Variants in ADAMTS19 observed in about 807,000 individuals in gnomAD.
ADAMTS19 encodes A disintegrin and metalloproteinase with thrombospondin motifs 19.
Under a neutral mutation model 153.3 loss-of-function variants are expected in ADAMTS19, and 93 were observed. The ratio of observed to expected loss-of-function variants is 0.61; its 90% CI spans 0.51 to 0.72. The LOEUF is 0.72. Among genes scored for constraint, ADAMTS19 ranks in the 30% least tolerant of loss-of-function variants. The pLI, the probability that ADAMTS19 is intolerant of heterozygous loss-of-function variation, is 0.00. For synonymous variants in ADAMTS19, 600 were observed against 556.6 expected, an observed-to-expected ratio of 1.08 and a Z score of -1.10; for missense variants, 1,482 against 1,552.1, an observed-to-expected ratio of 0.95 and a Z score of 0.76.
intron 6 of ADAMTS19, among the ~76,000 whole-genome samples, chr5:129,541,576 TAG>T (rs1379153590): frequency 6.6e-6 from 1 of 152,064 alleles, no homozygotes; most frequent in Admixed American, 6.6e-5. Flanking sequence ...AATTGAATAA[TAG>T]AATTATTCAT....
At position 129,526,377 on chromosome 5, in the gene ADAMTS19, T is replaced by C; in HGVS notation, c.1007T>C (p.Val336Ala). 6.2e-7 allele frequency: 1 copy of C among 1,605,326 alleles called. No individual in the cohort carries two copies. Among genetic ancestry groups the C allele is most frequent in the Non-Finnish European group, 8.5e-7 (1 of 1,176,242 alleles). ...KLPQEYNIET[V>A]VVADPAMVSY... is the part of the protein sequence containing the mutation. ...CCTCAAGAATACAACATAGAGACTGTAGTGGTTGCAGACCCAGCAATGGTT... is the reference window on the plus strand; with the variant it reads ...CCTCAAGAATACAACATAGAGACTGCAGTGGTTGCAGACCCAGCAATGGTT... Residue 336 changes from valine (V) to alanine (A), a missense_variant, in exon 4 of 23, where the codon GTA becomes GCA. Val to Ala is a moderately conservative substitution (Grantham distance 64). Transcript: ENST00000274487.
chr5:129,536,110 T>C (rs1752411486), intron 6 of ADAMTS19, among the ~76,000 whole-genome samples: 1 of 152,072 alleles, frequency 6.6e-6, no homozygotes, highest in Non-Finnish European at 1.5e-5. Context: ...GAAACTACCA[T>C]TGGAATGAAC....
chr5:129,560,576 G>A (rs1158719475), intron 7 of ADAMTS19, among the ~76,000 whole-genome samples: 1 of 152,186 alleles, frequency 6.6e-6, no homozygotes, highest in East Asian at 1.9e-4. Context: ...TCCCTTAAGA[G>A]TGAACTCAGC....
chr5:129,608,906 A>G (rs2126948439), intron 8 of ADAMTS19, among the ~76,000 whole-genome samples: 1 of 152,240 alleles, frequency 6.6e-6, no homozygotes, highest in East Asian at 1.9e-4. Context: ...CATATAAAGT[A>G]TATCATCTCC....
chr5:129,658,662 C>A lies in ADAMTS19; in HGVS notation c.2350C>A (p.His784Asn), dbSNP rs766561554. ...ATTAGGGTCTCTTGCAAGAGAAGAT[C>A]ATTGTGGTGTATGCAATGGCAATGG... ...GLLGSLARED[H>N]CGVCNGNGKS... Residue 784 changes from histidine (H) to asparagine (N), a missense_variant, in exon 15 of 23, where the codon CAT (histidine) becomes AAT (asparagine). His to Asn is a moderately conservative substitution (Grantham distance 68). This residue lies in a region of ADAMTS19 where 616 missense variants were observed against 724.4 expected (regional missense o/e 0.85). Coordinates refer to ENST00000274487, the MANE Select transcript of ADAMTS19 (RefSeq NM_133638.6). 10 of 1,613,144 alleles carry A rather than the reference C, an allele frequency of 6.2e-6. No homozygotes were observed. In the East Asian group the frequency reaches 1.8e-4, roughly 29 times the overall value.
At chr5:129,610,802 C>T (rs2126953488) in intron 8 of ADAMTS19, among the ~76,000 whole-genome samples, 2 of 152,242 alleles carry the variant, frequency 1.3e-5, no homozygotes, top group South Asian at 4.2e-4. Context: ...TGGGTATACA[C>T]CCAGTAATGG....
intron 2 of ADAMTS19, among the ~76,000 whole-genome samples, chr5:129,463,348 A>G (rs1001394038): frequency 6.6e-6 from 1 of 152,184 alleles, no homozygotes; most frequent in Non-Finnish European, 1.5e-5. Context: ...TTTGTATGTA[A>G]CAAACCTGCA....
chr5:129,640,896 C>A (rs1752758742), intron 10 of ADAMTS19, among the ~76,000 whole-genome samples: 1 of 152,088 alleles, frequency 6.6e-6, no homozygotes, highest in Non-Finnish European at 1.5e-5. Context: ...ACGGTCTCAG[C>A]TCACTGCAAC....
chr5:129,472,307 G>A (rs931099861), intron 2 of ADAMTS19, among the ~76,000 whole-genome samples: 4 of 152,190 alleles, frequency 2.6e-5, no homozygotes, highest in African/African-American at 9.6e-5. Context: ...CACTCCAGTG[G>A]CTCTGAAAAC....
chr5:129,661,891 A>G (rs1283842225), intron 15 of ADAMTS19, among the ~76,000 whole-genome samples: 1 of 152,208 alleles, frequency 6.6e-6, no homozygotes, highest in African/African-American at 2.4e-5. Flanking sequence ...TCGGGGAGTC[A>G]TAGTGTTAAC....
rs1753059736 is a variant in ADAMTS19 at position 129,646,153 on chromosome 5, G to T, written c.1873-1612G>T. On this transcript the variant is annotated intron_variant, in intron 11 of 22. Coordinates refer to ENST00000274487, the MANE Select transcript of ADAMTS19 (RefSeq NM_133638.6). ...TCCGCCCGCCTCGGCCTCCCAAAGT[G>T]CTGGGATTACAGGCGTGAGCCACCG... Among the ~76,000 whole-genome samples the T allele has an allele frequency of 2.0e-5, 3 of 151,818 alleles. No homozygotes were observed. The South Asian group carries it at 6.2e-4, about 32-fold the overall frequency.
chr5:129,651,851 C>G (rs977696806), intron 13 of ADAMTS19, among the ~76,000 whole-genome samples: 5 of 152,134 alleles, frequency 3.3e-5, no homozygotes, highest in African/African-American at 1.2e-4. Flanking sequence ...TAGCCAGTAA[C>G]TTTTTATTAT....
chr5:129,669,829 G>A (rs1473877776), intron 16 of ADAMTS19, among the ~76,000 whole-genome samples: 1 of 150,890 alleles, frequency 6.6e-6, no homozygotes, highest in Non-Finnish European at 1.5e-5. Context: ...TTTTTTCATT[G>A]TTGCATTGGT....
chr5:129,654,199 A>T, intron 13 of ADAMTS19, 107 bp from the exon 14 acceptor site: 1 of 1,060,992 alleles, frequency 9.4e-7, no homozygotes, highest in East Asian at 2.6e-5. Flanking sequence ...CTTAATTAGC[A>T]TTGAATTATA....
intron 7 of ADAMTS19, among the ~76,000 whole-genome samples, chr5:129,587,122 A>G (rs1749846234): frequency 6.6e-6 from 1 of 152,130 alleles, no homozygotes; most frequent in African/African-American, 2.4e-5. Flanking sequence ...TACATTATCT[A>G]TTGAGATAAT....
At chr5:129,725,669 C>A (rs1463653585) in intron 21 of ADAMTS19, among the ~76,000 whole-genome samples, 1 of 152,052 alleles carries the variant, frequency 6.6e-6, no homozygotes, top group African/African-American at 2.4e-5. Context: ...CTGACCATCA[C>A]CTGATGGTCG....
At chr5:129,561,364 C>A (rs1753506950) in intron 7 of ADAMTS19, among the ~76,000 whole-genome samples, 1 of 152,014 alleles carries the variant, frequency 6.6e-6, no homozygotes, top group African/African-American at 2.4e-5. Context: ...CCCGTCTCTA[C>A]TAAAAATACA....
At position 129,737,259 on chromosome 5, in the gene ADAMTS19, A is replaced by AT. The variant is rs1170523367; in HGVS notation, c.*43dup. 42 of 1,491,658 alleles carry AT rather than the reference A, an allele frequency of 2.8e-5. No homozygotes were observed. Among genetic ancestry groups the AT allele is most frequent in the Non-Finnish European group, 3.5e-5 (39 of 1,102,250 alleles). The allele number at this position is 1,491,658 out of a possible 1,614,324, so 92.4% of individuals were successfully genotyped here. A position where few individuals can be genotyped will look rare whatever the true frequency, so the allele number is the denominator to read the frequency against. On this transcript the variant is annotated 3_prime_UTR_variant, in exon 23 of 23. Transcript: ENST00000274487. The stretch of plus-strand genomic sequence containing the variant: ...CTGGATCACAGCTCTTGGCAATTAC[A>AT]TTATTTATAAACACACACACTAGCA...
At chr5:129,645,946 T>C (rs1442978568) in intron 11 of ADAMTS19, among the ~76,000 whole-genome samples, 1 of 139,010 alleles carries the variant, frequency 7.2e-6, no homozygotes, top group South Asian at 2.5e-4. Context: ...TGGAGTGCAG[T>C]GGCGGGATCT....
Sources: allele counts gnomAD v4.1 joint callset (sites outside exome capture counted in the v4.1 genomes callset), GRCh38; gene constraint gnomAD v4.1.1; regional missense constraint gnomAD v4.1.1; transcripts MANE v1.5; gene names NCBI Gene and HGNC (gene_info 2026-07-23, HGNC 2026-07-21).